The following TMEM232 variants were observed in gnomAD, a reference collection of about 807,000 sequenced individuals.
TMEM232 encodes transmembrane protein 232.
Under a neutral mutation model 78.8 loss-of-function variants are expected in TMEM232, and 80 were observed. The observed-to-expected ratio is 1.01, with a 90% confidence interval of 0.85 to 1.22. The LOEUF is 1.22. Ranked by LOEUF, TMEM232 falls within the 50% of genes most tolerant of loss-of-function variation. The pLI is 0.00. For missense variants in TMEM232, 881 were observed against 742.2 expected (o/e 1.19, Z -2.17); for synonymous variants, 297 against 254.3 (o/e 1.17, Z -1.60).
intron 11 of TMEM232, among the ~76,000 whole-genome samples, chr5:110,531,139 G>C (rs1771402320): frequency 6.7e-6 from 1 of 149,630 alleles, no homozygotes; most frequent in Admixed American, 6.6e-5. Context: ...TGAGCACCCT[G>C]TGACCCCCAC....
chr5:110,435,377 T>C (rs112279900), intron 12 of TMEM232, among the ~76,000 whole-genome samples: 2,589 of 151,888 alleles, frequency 0.017, 67 homozygotes, highest in African/African-American at 0.059. Flanking sequence ...TATATACCTA[T>C]ATGGTACATG....
At chr5:110,699,921 A>G (rs1221887889) in intron 1 of TMEM232, among the ~76,000 whole-genome samples, 6 of 152,090 alleles carry the variant, frequency 3.9e-5, no homozygotes, top group Non-Finnish European at 8.8e-5. Context: ...CCTACCCAAG[A>G]TCCTGTAGGT....
upstream of TMEM232, among the ~76,000 whole-genome samples, chr5:110,727,187 T>G (rs967502680): frequency 2.6e-5 from 4 of 151,948 alleles, no homozygotes; most frequent in African/African-American, 9.7e-5. Flanking sequence ...TGCAATAGAA[T>G]TATCTAATAT....
intron 12 of TMEM232, among the ~76,000 whole-genome samples, chr5:110,501,392 AATT>A (rs766783247): frequency 2.0e-5 from 3 of 152,038 alleles, no homozygotes; most frequent in South Asian, 4.2e-4. Context: ...TTATTATAAT[AATT>A]ATATTTTATC....
intron 1 of TMEM232, among the ~76,000 whole-genome samples, chr5:110,689,413 TAGTA>T (rs1275623558): frequency 1.3e-5 from 2 of 152,174 alleles, no homozygotes; most frequent in African/African-American, 2.4e-5. Flanking sequence ...TTTTCAGAAA[TAGTA>T]AGTATAAATA....
At chr5:110,561,633 A>G (rs1775759236) in intron 11 of TMEM232, among the ~76,000 whole-genome samples, 1 of 152,128 alleles carries the variant, frequency 6.6e-6, no homozygotes, top group Admixed American at 6.6e-5. Context: ...AAATATCACC[A>G]AAAACTAAGA....
intron 7 of TMEM232, among the ~76,000 whole-genome samples, chr5:110,623,473 A>G (rs1784037828): frequency 6.6e-6 from 1 of 152,156 alleles, no homozygotes; most frequent in Non-Finnish European, 1.5e-5. Flanking sequence ...AAACAATCAT[A>G]AGGAAAGGAG....
At chr5:110,389,259 TCAAA>T (rs1554071473) in intron 4 of TMEM232, among the ~76,000 whole-genome samples, 2 of 150,822 alleles carry the variant, frequency 1.3e-5, no homozygotes, top group South Asian at 2.1e-4. Context: ...AGATTCCATC[TCAAA>T]CAAACAAACA....
intron 12 of TMEM232, among the ~76,000 whole-genome samples, chr5:110,432,981 T>C (rs1455527768): frequency 1.3e-5 from 2 of 151,818 alleles, no homozygotes; most frequent in African/African-American, 2.4e-5. Flanking sequence ...CCCGGCTTTA[T>C]AAAACACTTA....
In TMEM232 at chr5:110,664,070, T is replaced by C. The variant is rs557134310; in HGVS notation, c.125+3158A>G. ...CAGGAGGCTCTCTTGAGCCCAGGAA[T>C]TCGAGGCTGCAGTGAGCTACGATTG... On this transcript the variant is annotated intron_variant, in intron 2 of 13. Coordinates refer to ENST00000455884, the MANE Select transcript of TMEM232 (RefSeq NM_001039763.4). Among the ~76,000 whole-genome samples the C allele has an allele frequency of 3.3e-5, 5 of 152,128 alleles. No individual in the cohort carries two copies. In the South Asian group the frequency reaches 1.0e-3, roughly 32 times the overall value.
At chr5:110,446,149 G>C (rs990371924) in intron 12 of TMEM232, among the ~76,000 whole-genome samples, 1 of 152,102 alleles carries the variant, frequency 6.6e-6, no homozygotes, top group Non-Finnish European at 1.5e-5. Flanking sequence ...AGACATCAGA[G>C]AATCTCCTGC....
intron 2 of TMEM232, among the ~76,000 whole-genome samples, chr5:110,404,328 C>G (rs1296816537): frequency 6.6e-6 from 1 of 151,992 alleles, no homozygotes; most frequent in Admixed American, 6.6e-5. Context: ...ATCTCTATTT[C>G]TGTTTCCTGT....
intron 12 of TMEM232, among the ~76,000 whole-genome samples, chr5:110,431,065 T>C (rs553467104): frequency 2.3e-4 from 35 of 151,274 alleles, no homozygotes; most frequent in Non-Finnish European, 2.5e-4. Flanking sequence ...TCTTACAGGG[T>C]TGACAAAGCA....
At chr5:110,705,700 ATG>A (rs1302968621) in intron 1 of TMEM232, among the ~76,000 whole-genome samples, 2 of 117,794 alleles carry the variant, frequency 1.7e-5, no homozygotes, top group African/African-American at 3.1e-5. Flanking sequence ...TATACAGTAT[ATG>A]TGTGTGTATA....
intron 12 of TMEM232, among the ~76,000 whole-genome samples, chr5:110,445,604 A>G (rs1759562915): frequency 6.6e-6 from 1 of 152,136 alleles, no homozygotes; most frequent in Admixed American, 6.6e-5. Flanking sequence ...AAAACAAAAA[A>G]CATTTACCAT....
In TMEM232 at chr5:110,435,518, T is replaced by A. The variant is rs57417430; in HGVS notation, c.1704-10602A>T. Among the ~76,000 whole-genome samples the A allele has an allele frequency of 2.7e-3, 408 of 151,838 alleles. 7 individuals are homozygous for A. Among genetic ancestry groups the A allele is most frequent in the African/African-American group, 9.3e-3 (388 of 41,504 alleles). On this transcript the variant is annotated intron_variant, in intron 12 of 13. Transcript: ENST00000455884. The stretch of plus-strand genomic sequence containing the variant: ...GAATTAAATAATTATTGAGTATATA[T>A]CTCCTATTGTGCTATCAAGTACTAG...
At chr5:110,576,376 A>T (rs1297773127) in intron 10 of TMEM232, among the ~76,000 whole-genome samples, 1 of 152,136 alleles carries the variant, frequency 6.6e-6, no homozygotes, top group African/African-American at 2.4e-5. Flanking sequence ...TGCTCAAAGG[A>T]ATCAAAGACA....
chr5:110,723,137 C>T (rs1425101715), intron 1 of TMEM232, among the ~76,000 whole-genome samples: 2 of 152,052 alleles, frequency 1.3e-5, no homozygotes, highest in African/African-American at 4.8e-5. Context: ...CCTATCTGGG[C>T]CTGGTACTTT....
chr5:110,528,107 T>A (rs1054808892), intron 12 of TMEM232, among the ~76,000 whole-genome samples: 4 of 151,932 alleles, frequency 2.6e-5, no homozygotes, highest in Non-Finnish European at 5.9e-5. Flanking sequence ...TTTAATAAAT[T>A]GTTCCTAAGT....
Sources: allele counts gnomAD v4.1 joint callset (sites outside exome capture counted in the v4.1 genomes callset), GRCh38; gene constraint gnomAD v4.1.1; transcripts MANE v1.5; gene names NCBI Gene and HGNC (gene_info 2026-07-23, HGNC 2026-07-21).